The following GRM8 variants were observed in gnomAD, a reference collection of about 807,000 sequenced individuals.
The protein encoded by GRM8 is glutamate metabotropic receptor 8.
GRM8 carries 47 observed loss-of-function variants against 87.2 expected under a neutral mutation model. The observed-to-expected ratio is 0.54, with a 90% confidence interval of 0.43 to 0.69. The LOEUF (loss-of-function observed/expected upper bound fraction) is 0.69. Among genes scored for constraint, GRM8 ranks in the 30% least tolerant of loss-of-function variants. GRM8 has a pLI of 0.00. For missense variants in GRM8, 1,019 were observed against 1,139.2 expected, an observed-to-expected ratio of 0.89 and a Z score of 1.52; for synonymous variants, 396 against 404.5, an observed-to-expected ratio of 0.98 and a Z score of 0.25.
chr7:127,208,447 G>A (rs1796035534), intron 2 of GRM8, among the ~76,000 whole-genome samples: 1 of 152,148 alleles, frequency 6.6e-6, no homozygotes, highest in Non-Finnish European at 1.5e-5. Flanking sequence ...CAGACCACAG[G>A]CTATAACCCT....
At chr7:126,876,342 C>T (rs184005563) in intron 6 of GRM8, among the ~76,000 whole-genome samples, 4 of 152,236 alleles carry the variant, frequency 2.6e-5, no homozygotes, top group African/African-American at 7.2e-5. Context: ...TACTAAGAAT[C>T]GCTCAGGTGC....
intron 6 of GRM8, among the ~76,000 whole-genome samples, chr7:126,849,191 A>C (rs1745771397): frequency 6.6e-6 from 1 of 152,158 alleles, no homozygotes; most frequent in Non-Finnish European, 1.5e-5. Context: ...CAAAAGAAAA[A>C]AACAGAAAGA....
At chr7:127,030,153 A>C (rs1817218118) in intron 3 of GRM8, among the ~76,000 whole-genome samples, 1 of 151,982 alleles carries the variant, frequency 6.6e-6, no homozygotes, top group Non-Finnish European at 1.5e-5. Context: ...TGAGTGCTTC[A>C]AACTCCTACT....
At chr7:126,881,954 T>G (rs1470844144) in intron 6 of GRM8, among the ~76,000 whole-genome samples, 2 of 152,106 alleles carry the variant, frequency 1.3e-5, no homozygotes, top group African/African-American at 4.8e-5. Flanking sequence ...CAAGAATCAA[T>G]GAGTGTTAAT....
At chr7:126,600,450 C>T (rs961398438) in intron 8 of GRM8, among the ~76,000 whole-genome samples, 13 of 152,074 alleles carry the variant, frequency 8.5e-5, no homozygotes, top group African/African-American at 1.2e-4. Flanking sequence ...ACCAATTCCC[C>T]ATATCTACAT....
At chr7:127,053,621 C>T (rs1819689657) in intron 3 of GRM8, among the ~76,000 whole-genome samples, 1 of 152,066 alleles carries the variant, frequency 6.6e-6, no homozygotes, top group Non-Finnish European at 1.5e-5. Flanking sequence ...AACCCCGTCT[C>T]TCCTAAAAAT....
chr7:126,503,066 T>C (rs1809889590), intron 9 of GRM8, among the ~76,000 whole-genome samples: 1 of 151,928 alleles, frequency 6.6e-6, no homozygotes, highest in Non-Finnish European at 1.5e-5. Flanking sequence ...ACCAAAGTGA[T>C]TTCCAGGAAT....
At chr7:126,880,061 A>G (rs1422279976) in intron 6 of GRM8, among the ~76,000 whole-genome samples, 1 of 152,224 alleles carries the variant, frequency 6.6e-6, no homozygotes, top group Non-Finnish European at 1.5e-5. Context: ...GCCAAAGCCT[A>G]TGACCTTTTC....
chr7:126,686,276 A>C (rs938504051), intron 7 of GRM8, among the ~76,000 whole-genome samples: 7 of 152,048 alleles, frequency 4.6e-5, no homozygotes, highest in African/African-American at 1.7e-4. Context: ...ACTTGTCTGC[A>C]TATTTCATTC....
intron 2 of GRM8, among the ~76,000 whole-genome samples, chr7:127,238,901 C>T (rs1288743647): frequency 6.6e-6 from 1 of 152,218 alleles, no homozygotes; most frequent in Non-Finnish European, 1.5e-5. Flanking sequence ...CCAGCATCTC[C>T]TTTGCAAAGA....
chr7:126,796,894 C>T (rs1822009280), intron 6 of GRM8, among the ~76,000 whole-genome samples: 1 of 152,090 alleles, frequency 6.6e-6, no homozygotes, highest in South Asian at 2.1e-4. Flanking sequence ...CTACACTGAG[C>T]TCATCATCTT....
At chr7:126,844,424 A>G (rs1796532696) in intron 6 of GRM8, among the ~76,000 whole-genome samples, 1 of 152,182 alleles carries the variant, frequency 6.6e-6, no homozygotes, top group African/African-American at 2.4e-5. Flanking sequence ...AATATGGACA[A>G]TATTTTTGCT....
At chr7:126,605,499 G>T (rs141253368) in intron 8 of GRM8, among the ~76,000 whole-genome samples, 1,937 of 152,186 alleles carry the variant, frequency 0.013, 21 homozygotes, top group Non-Finnish European at 0.018. Flanking sequence ...AAAAGAAAAA[G>T]AATAATCTAC....
At position 126,570,420 on chromosome 7, in the gene GRM8, T is replaced by G. The variant is rs77700352; in HGVS notation, c.1495-36533A>C. Among the ~76,000 whole-genome samples the G allele has an allele frequency of 1.2e-3, 178 of 152,314 alleles. 1 individual carries two copies. Among genetic ancestry groups the G allele is most frequent in the African/African-American group, 4.2e-3 (174 of 41,576 alleles). Reference sequence around the variant, plus strand: ...TTTAGGGCTCAAAGCATTAAGCCACTCCAGCTGCAATAGCCTACTTCATTG... The same window carrying G: ...TTTAGGGCTCAAAGCATTAAGCCACGCCAGCTGCAATAGCCTACTTCATTG... On this transcript the variant is annotated intron_variant, in intron 8 of 10. Transcript: ENST00000339582.
At chr7:126,464,053 T>G (rs767780181) in intron 9 of GRM8, among the ~76,000 whole-genome samples, 2 of 151,724 alleles carry the variant, frequency 1.3e-5, no homozygotes, top group Non-Finnish European at 2.9e-5. Context: ...ATTGAGCATT[T>G]GAGTATCTTC....
intron 8 of GRM8, among the ~76,000 whole-genome samples, chr7:126,573,582 A>AT (rs1794867099): frequency 7.4e-6 from 1 of 135,228 alleles, no homozygotes; most frequent in Non-Finnish European, 1.7e-5. Flanking sequence ...CATTTTATTT[A>AT]TTTTTTAATT....
At chr7:127,227,319 A>G (rs1797398355) in intron 2 of GRM8, among the ~76,000 whole-genome samples, 1 of 152,202 alleles carries the variant, frequency 6.6e-6, no homozygotes, top group Non-Finnish European at 1.5e-5. Flanking sequence ...GTCTCTCCCC[A>G]CAGAGGTGAA....
intron 8 of GRM8, among the ~76,000 whole-genome samples, chr7:126,553,646 T>C (rs1792830327): frequency 6.6e-6 from 1 of 152,088 alleles, no homozygotes; most frequent in South Asian, 2.1e-4. Flanking sequence ...TTGAATATAT[T>C]AAGAATATCA....
chr7:126,657,865 G>A (rs1337722066), intron 7 of GRM8, among the ~76,000 whole-genome samples: 4 of 152,256 alleles, frequency 2.6e-5, no homozygotes, highest in Non-Finnish European at 4.4e-5. Context: ...AGGAAAGAAG[G>A]CCTGTGGCCT....
Sources: gnomAD v4.1 joint callset for allele counts (sites outside exome capture counted in the v4.1 genomes callset) on GRCh38, gnomAD v4.1.1 for gene constraint, MANE v1.5 for transcripts, NCBI Gene and HGNC (gene_info 2026-07-23, HGNC 2026-07-21) for gene names.